The following EPHB6 variants were observed in gnomAD, a reference collection of about 807,000 sequenced individuals.
The protein encoded by EPHB6 is EPH receptor B6, also known as ephrin type-B receptor 6.
A neutral mutation model predicts 107.0 loss-of-function variants in EPHB6; 51 were observed. The ratio of observed to expected loss-of-function variants is 0.48; its 90% confidence interval spans 0.38 to 0.60. The LOEUF (loss-of-function observed/expected upper bound fraction) is 0.60. EPHB6 is among the 20% of genes least tolerant of loss of function. EPHB6 has a pLI of 0.00. For synonymous variants in EPHB6, 553 were observed against 549.0 expected (o/e 1.01, Z -0.10); for missense variants, 1,141 against 1,355.5 (o/e 0.84, Z 2.48).
chr7:142,863,557 G>A (rs756137000), intron 5 of EPHB6, 74 bp from the exon 6 acceptor site: 193 of 1,538,648 alleles, frequency 1.3e-4, no homozygotes, highest in Middle Eastern at 3.4e-4. Context: ...TTTTGTTCGC[G>A]GTGGGAATAG....
rs1276285917 is a variant in EPHB6 at position 142,864,562 on chromosome 7, C to G, written c.762C>G (p.Ala254=). ...PETQASGAGG[A]SLVAAVGTCV... The stretch of plus-strand genomic sequence containing the variant: ...CGCAGGCCAGTGGGGCTGGGGGGGC[C>G]TCCCTGGTGGCAGCTGTGGGCACCT... The change falls in exon 7 of 20, where the codon GCC becomes GCG. Residue 254 remains alanine (A), a synonymous_variant. Coordinates refer to ENST00000652003, the MANE Select transcript of EPHB6 (RefSeq NM_004445.6). 6.2e-7 allele frequency: 1 copy of G among 1,613,074 alleles called. No homozygotes were observed. The highest frequency in any genetic ancestry group is 1.3e-5 in the African/African-American group (1 of 74,944).
intron 1 of EPHB6, among the ~76,000 whole-genome samples, chr7:142,856,608 A>G (rs1001230726): frequency 3.3e-5 from 5 of 152,092 alleles, no homozygotes; most frequent in Non-Finnish European, 5.9e-5. Context: ...CACTCTAGGT[A>G]GAAGGAGGAT....
At position 142,871,015 on chromosome 7, in the gene EPHB6, C is replaced by T. The variant is rs1179186605; in HGVS notation, c.*111C>T. On this transcript the variant is annotated 3_prime_UTR_variant, in exon 20 of 20. Coordinates refer to ENST00000652003, the MANE Select transcript of EPHB6 (RefSeq NM_004445.6). ...AGAGATGCCCCACACCAAACCCAAC[C>T]CTCCCGATGGCTGCATTCCCTGGTC... The T allele has an allele frequency of 1.1e-5, 11 of 996,302 alleles. No individual in the cohort carries two copies. Among genetic ancestry groups the T allele is most frequent in the Non-Finnish European group, 9.0e-6 (6 of 666,424 alleles). 61.7% of individuals were successfully genotyped at this position (996,302 alleles called of 1,614,324 possible).
Position 142,864,548 on chromosome 7 carries a change from G to A in EPHB6, c.748G>A (p.Gly250Arg). Reference sequence around the variant, plus strand: ...TTCCTTTCCAGAGACGCAGGCCAGTGGGGCTGGGGGGGCCTCCCTGGTGGC... The same window carrying A: ...TTCCTTTCCAGAGACGCAGGCCAGTAGGGCTGGGGGGGCCTCCCTGGTGGC... Reference protein sequence around the residue: ...FASFPETQASGAGGASLVAAV... With the variant: ...FASFPETQASRAGGASLVAAV... Residue 250 changes from glycine to arginine, a missense_variant, in exon 7 of 20, where the codon GGG becomes AGG. Gly to Arg is a moderately radical substitution (Grantham distance 125, BLOSUM62 -2). Around this residue, in one of 3 missense-constraint regions of EPHB6, gnomAD observed 304 missense variants for 295.7 expected, o/e 1.03. Transcript: ENST00000652003. The A allele has an allele frequency of 6.2e-7, 1 of 1,613,288 alleles. No individual in the cohort carries two copies. The highest frequency in any genetic ancestry group is 8.5e-7 in the Non-Finnish European group (1 of 1,179,920).
intron 1 of EPHB6, among the ~76,000 whole-genome samples, chr7:142,856,779 A>T (rs544152851): frequency 4.9e-4 from 75 of 152,256 alleles, no homozygotes; most frequent in Admixed American, 3.4e-3. Flanking sequence ...GCAGGGGCCG[A>T]AGGTGAGGAA....
chr7:142,863,990 G>A lies in EPHB6; in HGVS notation c.190G>A (p.Asp64Asn), dbSNP rs752294317. ...GGWDEVSVLDDQRRLTRTFEA... is the reference protein window; with the variant it reads ...GGWDEVSVLDNQRRLTRTFEA... ...GTGGGACGAGGTGAGTGTTCTGGAC[G>A]ACCAGCGACGCCTGACTCGGACCTT... Residue 64 changes from aspartate (D) to asparagine (N), a missense_variant, in exon 7 of 20, where the codon GAC (aspartate) becomes AAC (asparagine). By Grantham distance (23) the Asp-to-Asn change is conservative. Around this residue, in one of 3 missense-constraint regions of EPHB6, gnomAD observed 221 missense variants for 300.5 expected, o/e 0.74. Coordinates refer to ENST00000652003, the MANE Select transcript of EPHB6 (RefSeq NM_004445.6). 2.1e-5 allele frequency: 34 copies of A among 1,614,076 alleles called. No individual in the cohort carries two copies. Among genetic ancestry groups the A allele is most frequent in the South Asian group, 1.1e-4 (10 of 91,078 alleles).
rs1303185087 is a variant in EPHB6, at chr7:142,855,713, G to C, written c.-432+328G>C. 6.6e-6 allele frequency among the ~76,000 whole-genome samples: 1 copy of C among 152,088 alleles called. No homozygotes were observed. Among genetic ancestry groups the C allele is most frequent in the Non-Finnish European group, 1.5e-5 (1 of 68,006 alleles). On this transcript the variant is annotated intron_variant, in intron 1 of 19. Coordinates refer to ENST00000652003, the MANE Select transcript of EPHB6 (RefSeq NM_004445.6). This position sits in a 1 kb window ranked among gnomAD's most constrained non-coding sequence, Gnocchi z 4.2. The stretch of plus-strand genomic sequence containing the variant: ...AATCTGGGAGGGTCCTCGCAGAGAC[G>C]GAGCTCCACGCTTGGAACAGGATTG...
chr7:142,866,914 C>G lies in EPHB6; in HGVS notation c.1596C>G (p.Asp532Glu), dbSNP rs139974502. ...YQLRYYDQAE[D>E]ESHSFTLTSE... ...GTGGCTGTTACCCCCAGGCAGAAGA[C>G]GAATCCCACTCCTTCACCCTGACCA... is the stretch of plus-strand genomic sequence containing the variant. The change falls in exon 11 of 20, where the codon GAC becomes GAG. Residue 532 changes from aspartate (D) to glutamate (E), a missense_variant. Asp to Glu is a conservative substitution (Grantham distance 45, BLOSUM62 2). Around this residue, in one of 3 missense-constraint regions of EPHB6, gnomAD observed 616 missense variants for 759.3 expected, o/e 0.81. Coordinates refer to ENST00000652003, the MANE Select transcript of EPHB6 (RefSeq NM_004445.6). This position sits in a 1 kb window ranked among gnomAD's most constrained non-coding sequence, Gnocchi z 5.2. 1.2e-6 allele frequency: 2 copies of G among 1,613,998 alleles called. No homozygotes were observed. The highest frequency in any genetic ancestry group is 4.5e-5 in the East Asian group (2 of 44,866).
Position 142,865,537 on chromosome 7 carries a change from C to T in EPHB6, c.1012C>T (p.Arg338Cys), listed in dbSNP as rs762466445. The T allele has an allele frequency of 1.3e-4, 212 of 1,613,424 alleles. No individual in the cohort carries two copies. Among genetic ancestry groups the T allele is most frequent in the Middle Eastern group, 1.7e-4 (1 of 6,060 alleles). The stretch of plus-strand genomic sequence containing the variant: ...TGCTCCCTGCTCACCATGCCCTGCC[C>T]GCAGTCACGCTCCCAACCCAGCAGC... Reference protein sequence around the residue: ...GNAPCSPCPARSHAPNPAAPV... With the variant: ...GNAPCSPCPACSHAPNPAAPV... Residue 338 changes from arginine to cysteine, a missense_variant, in exon 8 of 20, where the codon CGC becomes TGC. Physicochemically the swap from Arg to Cys is radical, Grantham distance 180. Coordinates refer to ENST00000652003, the MANE Select transcript of EPHB6 (RefSeq NM_004445.6).
chr7:142,864,223 T>G lies in EPHB6; in HGVS notation c.423T>G (p.Pro141=). 1 of 1,613,918 alleles carries G rather than the reference T, an allele frequency of 6.2e-7. No individual in the cohort carries two copies. The highest frequency in any genetic ancestry group is 8.5e-7 in the Non-Finnish European group (1 of 1,180,036). Residue 141 remains proline (P), a synonymous_variant, in exon 7 of 20, where the codon CCT becomes CCG. Transcript: ENST00000652003. ...GTCAGGCTGAGGAGCCCGACAGCCC[T>G]GACAGCGTTTCCTCCTGGCACCTCA... ...YYRQAEEPDS[P]DSVSSWHLKR...
intron 3 of EPHB6, among the ~76,000 whole-genome samples, chr7:142,862,449 T>C (rs1464206949): frequency 6.6e-6 from 1 of 152,208 alleles, no homozygotes; most frequent in Non-Finnish European, 1.5e-5. Flanking sequence ...CGAGGATCTT[T>C]GTTCACAAAG....
chr7:142,867,212 C>A lies in EPHB6; in HGVS notation c.1750+144C>A. 9.5e-7 allele frequency: 1 copy of A among 1,054,038 alleles called. No homozygotes were observed. Among genetic ancestry groups the A allele is most frequent in the Non-Finnish European group, 1.4e-6 (1 of 740,672 alleles). 65.3% of individuals were successfully genotyped at this position (1,054,038 alleles called of 1,614,324 possible). A position where few individuals can be genotyped will look rare whatever the true frequency, so the allele number is the denominator to read the frequency against. ...GGAAAGGAGAGTGCCTTTTGCTCAG[C>A]AGCTGACCTAGGGGCTACTCGGGGA... On this transcript the variant is annotated intron_variant, in intron 11 of 19. Transcript: ENST00000652003. The surrounding 1 kb of genome is among the most constrained non-coding windows in gnomAD (Gnocchi z 5.3).
chr7:142,858,640 G>A (rs1434280142), intron 1 of EPHB6, among the ~76,000 whole-genome samples: 1 of 148,374 alleles, frequency 6.7e-6, no homozygotes, highest in African/African-American at 2.5e-5. Context: ...TAGAAACGGG[G>A]TTTCACCGTG....
At chr7:142,865,338 G>A (rs1413154590) in intron 7 of EPHB6, 137 bp from the exon 8 acceptor site, 4 of 1,089,722 alleles carry the variant, frequency 3.7e-6, no homozygotes, top group Admixed American at 2.0e-5. Flanking sequence ...AGAGAGGGTG[G>A]GGTTCAGTCT....
chr7:142,868,188 C>T lies in EPHB6; in HGVS notation c.1919-53C>T, dbSNP rs375852244. 1.4e-5 allele frequency: 23 copies of T among 1,613,948 alleles called. No individual in the cohort carries two copies. The highest frequency in any genetic ancestry group is 1.9e-5 in the Non-Finnish European group (22 of 1,180,008). Reference sequence around the variant, plus strand: ...GGTAAGTGGGCATGTCTGGGGTGCGCGGGCAGCCCTGCCTTTCACAACACG... The same window carrying T: ...GGTAAGTGGGCATGTCTGGGGTGCGTGGGCAGCCCTGCCTTTCACAACACG... On this transcript the variant is annotated intron_variant, in intron 13 of 19. Transcript: ENST00000652003. The surrounding 1 kb of genome is among the most constrained non-coding windows in gnomAD (Gnocchi z 4.2).
At position 142,868,769 on chromosome 7, in the gene EPHB6, T is replaced by C. The variant is rs2116474039; in HGVS notation, c.2286+30T>C. ...GTCCAGCCTGGGTGAAGGAGGAGGG[T>C]CCTTGGGTCCAGGAAAGCTTCCAGG... On this transcript the variant is annotated intron_variant, in intron 15 of 19. Coordinates refer to ENST00000652003, the MANE Select transcript of EPHB6 (RefSeq NM_004445.6). The surrounding 1 kb of genome is among the most constrained non-coding windows in gnomAD (Gnocchi z 4.2). 1 of 1,613,422 alleles carries C rather than the reference T, an allele frequency of 6.2e-7. No individual in the cohort carries two copies. The highest frequency in any genetic ancestry group is 1.1e-5 in the South Asian group (1 of 91,060).
rs143667567 is a variant in EPHB6, at chr7:142,864,293, CCCTCCTCCT to C, written c.513_521del (p.Ser175_Ser177del). 3.2e-4 allele frequency: 496 copies of C among 1,559,948 alleles called. No individual in the cohort carries two copies. The highest frequency in any genetic ancestry group is 1.2e-3 in the African/African-American group (88 of 73,422). Reference sequence around the variant, plus strand: ...CACAATTGCAGCAGACGAGAGCTTTCCCTCCTCCTCCTCCTCCTCCTCCTCCTCTTCTTC... The same window carrying C: ...CACAATTGCAGCAGACGAGAGCTTTCCCTCCTCCTCCTCCTCCTCTTCTTC... On this transcript the variant is annotated inframe_deletion, in exon 7 of 20. Coordinates refer to ENST00000652003, the MANE Select transcript of EPHB6 (RefSeq NM_004445.6).
chr7:142,868,916 G>A lies in EPHB6; in HGVS notation c.2287-58G>A. On this transcript the variant is annotated intron_variant, in intron 15 of 19. Coordinates refer to ENST00000652003, the MANE Select transcript of EPHB6 (RefSeq NM_004445.6). The surrounding 1 kb of genome is among the most constrained non-coding windows in gnomAD (Gnocchi z 4.2). The stretch of plus-strand genomic sequence containing the variant: ...CATGCTGTTGTCTGCTATGCAGTAT[G>A]TTGAGGTCTCCCCCTGTCTCCGATC... 2.0e-6 allele frequency: 3 copies of A among 1,513,832 alleles called. No individual in the cohort carries two copies. The highest frequency in any genetic ancestry group is 1.8e-6 in the Non-Finnish European group (2 of 1,129,786). The allele number at this position is 1,513,832 out of a possible 1,614,324, so 93.8% of individuals were successfully genotyped here. A position where few individuals can be genotyped will look rare whatever the true frequency, so the allele number is the denominator to read the frequency against.
chr7:142,861,654 C>T (rs181708846), intron 2 of EPHB6, among the ~76,000 whole-genome samples: 13 of 152,276 alleles, frequency 8.5e-5, no homozygotes, highest in Admixed American at 4.6e-4. Flanking sequence ...AACAGTTGCC[C>T]GTATTTCTTT....
Sources: gnomAD v4.1 joint callset for allele counts (sites outside exome capture counted in the v4.1 genomes callset) on GRCh38, gnomAD v4.1.1 for gene constraint, gnomAD v4.1.1 regional missense constraint, Gnocchi (gnomAD v3.1) non-coding constraint, MANE v1.5 for transcripts, NCBI Gene and HGNC (gene_info 2026-07-23, HGNC 2026-07-21) for gene names.